The following HDAC9 variants were observed in gnomAD, a reference collection of about 807,000 sequenced individuals.
The protein encoded by HDAC9 is MEF-2 interacting transcription repressor (MITR) protein.
Under a neutral mutation model 139.4 loss-of-function variants are expected in HDAC9, and 41 were observed. The ratio of observed to expected loss-of-function variants is 0.29; its 90% confidence interval spans 0.23 to 0.38. The LOEUF is 0.38. Among genes scored for constraint, HDAC9 ranks in the 10% least tolerant of loss-of-function variants. HDAC9 has a pLI of 1.00. For synonymous variants in HDAC9, 517 were observed against 476.2 expected (o/e 1.09, Z -1.12); for missense variants, 1,147 against 1,297.0 (o/e 0.88, Z 1.78).
intron 24 of HDAC9, among the ~76,000 whole-genome samples, chr7:18,963,834 C>T (rs1783681440): frequency 6.6e-6 from 1 of 152,154 alleles, no homozygotes; most frequent in Non-Finnish European, 1.5e-5. Context: ...TTGACTTGCA[C>T]ACCTAAGGCA....
At chr7:18,619,389 T>C (rs1839595157) in intron 6 of HDAC9, among the ~76,000 whole-genome samples, 1 of 152,196 alleles carries the variant, frequency 6.6e-6, no homozygotes, top group Non-Finnish European at 1.5e-5. Flanking sequence ...TCAGCAACTG[T>C]TTATGGAGAC....
At position 18,917,135 on chromosome 7, in the gene HDAC9, A is replaced by C. The variant is rs544689188; in HGVS notation, c.2804-18674A>C. ...GTAAACATGAGCTGAAATGCTTTCA[A>C]AGCTCGCAAATATGAAATCATCTTA... On this transcript the variant is annotated intron_variant, in intron 22 of 25. Transcript: ENST00000686413. Among the ~76,000 whole-genome samples the C allele has an allele frequency of 3.3e-5, 5 of 152,148 alleles. No individual in the cohort carries two copies. In the East Asian group the frequency reaches 9.7e-4, roughly 30 times the overall value.
intron 21 of HDAC9, among the ~76,000 whole-genome samples, chr7:18,869,963 T>G (rs1798793646): frequency 6.6e-6 from 1 of 151,912 alleles, no homozygotes; most frequent in Non-Finnish European, 1.5e-5. Context: ...ATAGCAATGG[T>G]CCTTACCCTC....
chr7:18,770,054 C>T (rs1242517500), intron 16 of HDAC9, among the ~76,000 whole-genome samples: 1 of 152,098 alleles, frequency 6.6e-6, no homozygotes, highest in Non-Finnish European at 1.5e-5. Context: ...GAGGACCCTA[C>T]CTGGGACATT....
intron 1 of HDAC9, among the ~76,000 whole-genome samples, chr7:18,115,359 T>C (rs1469860033): frequency 6.6e-6 from 1 of 152,164 alleles, no homozygotes. Flanking sequence ...AATATAATAC[T>C]TCTGATCTTC....
At chr7:18,251,370 G>A (rs890762883) in intron 2 of HDAC9, among the ~76,000 whole-genome samples, 1 of 152,100 alleles carries the variant, frequency 6.6e-6, no homozygotes, top group Non-Finnish European at 1.5e-5. Flanking sequence ...AAGAGTGGTG[G>A]GGGGAGGGAG....
At chr7:18,599,384 A>G (rs558499640) in intron 6 of HDAC9, among the ~76,000 whole-genome samples, 2 of 152,306 alleles carry the variant, frequency 1.3e-5, no homozygotes, top group East Asian at 3.9e-4. Flanking sequence ...AATGTGTCAT[A>G]TCATGTCATA....
chr7:18,425,177 A>T (rs1790000253), intron 1 of HDAC9, among the ~76,000 whole-genome samples: 1 of 152,240 alleles, frequency 6.6e-6, no homozygotes, highest in African/African-American at 2.4e-5. Flanking sequence ...ATTTGCAGAC[A>T]GCTTGCAGGA....
At chr7:18,570,311 T>C (rs1416169800) in intron 2 of HDAC9, among the ~76,000 whole-genome samples, 1 of 152,160 alleles carries the variant, frequency 6.6e-6, no homozygotes, top group Non-Finnish European at 1.5e-5. Flanking sequence ...AGTGCTGAAA[T>C]ACACACTTTA....
At chr7:18,160,906 A>G (rs561025759) in intron 1 of HDAC9, among the ~76,000 whole-genome samples, 2 of 152,292 alleles carry the variant, frequency 1.3e-5, no homozygotes, top group East Asian at 1.9e-4. Flanking sequence ...TATAGTAAAT[A>G]TCACATTGAA....
chr7:18,786,489 C>CCTTCCTTCCTTCCTTCTTTCCTTCCTT (rs1791752249), intron 16 of HDAC9, among the ~76,000 whole-genome samples: 1 of 24,570 alleles, frequency 4.1e-5, no homozygotes, highest in African/African-American at 7.0e-5. Context: ...TTCCTTTCTT[C>CCTTCCTTCCTTCCTTCTTTCCTTCCTT]CTTCCTTCCT....
chr7:18,731,824 C>T (rs749608409), intron 13 of HDAC9, among the ~76,000 whole-genome samples: 3 of 152,070 alleles, frequency 2.0e-5, no homozygotes, highest in Non-Finnish European at 4.4e-5. Flanking sequence ...CGGGGTTTCT[C>T]CATGTTGGTC....
intron 2 of HDAC9, among the ~76,000 whole-genome samples, chr7:18,264,713 T>A (rs1335566268): frequency 1.3e-5 from 2 of 152,238 alleles, no homozygotes; most frequent in African/African-American, 4.8e-5. Flanking sequence ...GCATACCTGC[T>A]GTTTGGATTT....
chr7:18,334,652 G>C (rs1216232198), intron 1 of HDAC9, among the ~76,000 whole-genome samples: 1 of 151,378 alleles, frequency 6.6e-6, no homozygotes, highest in African/African-American at 2.4e-5. Flanking sequence ...CACTCAAATA[G>C]TAATAAGAAT....
rs753935684 is a variant in HDAC9 at position 18,975,928 on chromosome 7, C to T, written c.3145C>T (p.Gln1049Ter). 1 of 1,613,650 alleles carries T rather than the reference C, an allele frequency of 6.2e-7. No individual in the cohort carries two copies. The highest frequency in any genetic ancestry group is 1.3e-5 in the African/African-American group (1 of 74,920). Residue 1049 changes from glutamine to a stop codon, truncating the protein, a stop_gained, in exon 25 of 26, where the codon CAG becomes TAG. Transcript: ENST00000686413. LOFTEE classifies it high-confidence loss of function. ...GGCCTCCCTAACAGTGGATGTGGAA[C>T]AGCCCTTTGCTCAGGAAGACAGCAG... ...ALASLTVDVE[Q>*]PFAQEDSRTA...
intron 12 of HDAC9, among the ~76,000 whole-genome samples, chr7:18,695,788 A>G (rs139824959): frequency 2.6e-5 from 4 of 152,324 alleles, no homozygotes; most frequent in African/African-American, 7.2e-5. Flanking sequence ...AGAAAAATCT[A>G]TACCTAGAGA....
At chr7:18,168,875 T>C in intron 2 of HDAC9, among the ~76,000 whole-genome samples, 1 of 133,678 alleles carries the variant, frequency 7.5e-6, no homozygotes, top group Non-Finnish European at 1.5e-5. Context: ...GGTGCAAATG[T>C]CTTGTTTTTT....
At position 18,751,984 on chromosome 7, in the gene HDAC9, G is replaced by T. The variant is rs114744514; in HGVS notation, c.2043+2846G>T. Among the ~76,000 whole-genome samples, 1,210 of 152,082 alleles carry T rather than the reference G, an allele frequency of 8.0e-3. 12 individuals carry two copies. Among genetic ancestry groups the T allele is most frequent in the African/African-American group, 0.028 (1,159 of 41,500 alleles). The stretch of plus-strand genomic sequence containing the variant: ...TTTACTAAACACAATGGAAGCAACT[G>T]ATATATGTTCCTTGTAGATTTCTTC... On this transcript the variant is annotated intron_variant, in intron 14 of 25. Transcript: ENST00000686413.
chr7:18,611,464 C>A (rs1837120217), intron 6 of HDAC9, among the ~76,000 whole-genome samples: 2 of 152,028 alleles, frequency 1.3e-5, no homozygotes, highest in Non-Finnish European at 2.9e-5. Flanking sequence ...ATGCAATAAT[C>A]CTAGAAATAG....
Sources: gnomAD v4.1 joint callset for allele counts (sites outside exome capture counted in the v4.1 genomes callset) on GRCh38, gnomAD v4.1.1 for gene constraint, MANE v1.5 for transcripts, NCBI Gene and HGNC (gene_info 2026-07-23, HGNC 2026-07-21) for gene names.